Variants in KCNAB1 observed in about 807,000 individuals in gnomAD.
KCNAB1 encodes voltage-gated potassium channel subunit beta-1.
Under a neutral mutation model 64.6 loss-of-function variants are expected in KCNAB1, and 35 were observed. That is an observed-to-expected ratio of 0.54 (90% confidence interval 0.41 to 0.72). KCNAB1 has a LOEUF of 0.72. Ranked by LOEUF, KCNAB1 falls within the 30% of genes least tolerant of loss-of-function variation. The pLI is 0.00. For synonymous variants in KCNAB1, 177 were observed against 183.8 expected, an observed-to-expected ratio of 0.96 and a Z score of 0.30; for missense variants, 401 against 512.9, an observed-to-expected ratio of 0.78 and a Z score of 2.11.
intron 1 of KCNAB1, among the ~76,000 whole-genome samples, chr3:156,133,516 A>G (rs1252415982): frequency 6.6e-6 from 1 of 152,232 alleles, no homozygotes; most frequent in Non-Finnish European, 1.5e-5. Context: ...ATCAAACTAG[A>G]AAATTAAACA....
At chr3:156,141,853 C>G (rs1488088555) in intron 1 of KCNAB1, among the ~76,000 whole-genome samples, 1 of 152,156 alleles carries the variant, frequency 6.6e-6, no homozygotes, top group Admixed American at 6.5e-5. Context: ...TCTGGAGTGG[C>G]TGAACCATTT....
At chr3:156,191,067 AT>A (rs1307230513) in intron 1 of KCNAB1, among the ~76,000 whole-genome samples, 1 of 152,254 alleles carries the variant, frequency 6.6e-6, no homozygotes, top group Non-Finnish European at 1.5e-5. Flanking sequence ...GAGGCTCATA[AT>A]TTGAGGATGT....
At chr3:156,329,126 A>G (rs1488319973) in intron 1 of KCNAB1, among the ~76,000 whole-genome samples, 2 of 152,142 alleles carry the variant, frequency 1.3e-5, no homozygotes, top group Non-Finnish European at 2.9e-5. Flanking sequence ...GATCTCTAAT[A>G]TCTTCAGGGT....
chr3:156,286,665 A>T (rs1377847367), intron 1 of KCNAB1, among the ~76,000 whole-genome samples: 1 of 152,268 alleles, frequency 6.6e-6, no homozygotes, highest in Non-Finnish European at 1.5e-5. Flanking sequence ...TCAAAAGCAT[A>T]GGTGATTTAG....
chr3:156,373,190 T>C (rs1450716698), intron 1 of KCNAB1, among the ~76,000 whole-genome samples: 1 of 152,226 alleles, frequency 6.6e-6, no homozygotes, highest in Non-Finnish European at 1.5e-5. Flanking sequence ...CAGCTGAAAC[T>C]GTCTTCTTTT....
At chr3:156,284,811 C>A (rs1026974115) in intron 1 of KCNAB1, among the ~76,000 whole-genome samples, 1 of 152,210 alleles carries the variant, frequency 6.6e-6, no homozygotes, top group Non-Finnish European at 1.5e-5. Flanking sequence ...GGCAATGCCT[C>A]ACCCTGCTTC....
intron 1 of KCNAB1, among the ~76,000 whole-genome samples, chr3:156,220,426 G>A (rs1380747546): frequency 1.3e-5 from 2 of 152,158 alleles, no homozygotes; most frequent in Non-Finnish European, 2.9e-5. Flanking sequence ...GGCATGAGAT[G>A]GCATCTCATT....
chr3:156,351,604 G>A (rs915325219), intron 1 of KCNAB1, among the ~76,000 whole-genome samples: 14 of 152,214 alleles, frequency 9.2e-5, no homozygotes, highest in African/African-American at 3.4e-4. Context: ...TTTGGAGGTG[G>A]AGAGGCCTGG....
intron 8 of KCNAB1, among the ~76,000 whole-genome samples, chr3:156,513,177 A>T (rs1049379817): frequency 7.2e-5 from 11 of 152,022 alleles, no homozygotes; most frequent in Non-Finnish European, 1.5e-4. Flanking sequence ...TTGCCACTGC[A>T]CTCCAGCCTG....
At chr3:156,179,091 A>G (rs1322358772) in intron 1 of KCNAB1, among the ~76,000 whole-genome samples, 1 of 151,770 alleles carries the variant, frequency 6.6e-6, no homozygotes, top group Non-Finnish European at 1.5e-5. Flanking sequence ...TGATTCTTTG[A>G]GAATCACCAA....
chr3:156,273,072 G>A (rs180946218), intron 1 of KCNAB1, among the ~76,000 whole-genome samples: 2 of 150,272 alleles, frequency 1.3e-5, no homozygotes, highest in Admixed American at 1.3e-4. Flanking sequence ...TGGCCGAGCT[G>A]ATACCCTAGT....
chr3:156,479,070 C>T (rs1714596131), intron 8 of KCNAB1, among the ~76,000 whole-genome samples: 1 of 152,106 alleles, frequency 6.6e-6, no homozygotes, highest in Non-Finnish European at 1.5e-5. Context: ...TTCTGGTTCA[C>T]CTAGTAGTAA....
At chr3:156,203,519 T>G (rs1714474051) in intron 1 of KCNAB1, among the ~76,000 whole-genome samples, 2 of 152,184 alleles carry the variant, frequency 1.3e-5, no homozygotes, top group Admixed American at 6.5e-5. Context: ...TGAATAGTAA[T>G]AAAAATAATA....
chr3:156,379,883 A>G (rs7635610), intron 1 of KCNAB1, among the ~76,000 whole-genome samples: 16,837 of 152,140 alleles, frequency 0.11, 3,078 homozygotes, highest in African/African-American at 0.38. Flanking sequence ...ATTTTTTTCC[A>G]GACATACTCT....
chr3:156,534,447 C>G (rs1485838165), intron 13 of KCNAB1, among the ~76,000 whole-genome samples: 4 of 152,124 alleles, frequency 2.6e-5, no homozygotes, highest in African/African-American at 4.8e-5. Flanking sequence ...CCGCCTCTCC[C>G]CCTCCTCCCC....
At chr3:156,137,912 G>A (rs1714459528) in intron 1 of KCNAB1, among the ~76,000 whole-genome samples, 1 of 151,984 alleles carries the variant, frequency 6.6e-6, no homozygotes, top group Admixed American at 6.6e-5. Context: ...TACCTTTACT[G>A]CTGATGTTGT....
intron 8 of KCNAB1, among the ~76,000 whole-genome samples, chr3:156,499,959 G>A (rs1169444805): frequency 1.3e-5 from 2 of 152,156 alleles, no homozygotes; most frequent in African/African-American, 4.8e-5. Flanking sequence ...GCTTTCTCAG[G>A]TGCCCAAATT....
intron 1 of KCNAB1, among the ~76,000 whole-genome samples, chr3:156,356,133 AAAG>A (rs1405406425): frequency 6.6e-6 from 1 of 150,678 alleles, no homozygotes; most frequent in Non-Finnish European, 1.5e-5. Flanking sequence ...AAAAAAAAAA[AAAG>A]AAAGAAAAGA....
chr3:156,536,594 G>A, intron 13 of KCNAB1, 64 bp from the exon 14 acceptor site: 1 of 1,116,468 alleles, frequency 9.0e-7, no homozygotes, highest in Admixed American at 1.7e-5. Flanking sequence ...TAAATATAGA[G>A]CACAAAAAAC....
Sources: gnomAD v4.1 joint callset for allele counts (sites outside exome capture counted in the v4.1 genomes callset) on GRCh38, gnomAD v4.1.1 for gene constraint, MANE v1.5 for transcripts, NCBI Gene and HGNC (gene_info 2026-07-23, HGNC 2026-07-21) for gene names.